TMEM232: variants seen among roughly 807,000 people sequenced by gnomAD.
The protein encoded by TMEM232 is transmembrane protein 232.
Under a neutral mutation model 78.8 loss-of-function variants are expected in TMEM232, and 80 were observed. The ratio of observed to expected loss-of-function variants is 1.01; its 90% CI spans 0.85 to 1.22. The LOEUF (loss-of-function observed/expected upper bound fraction) is 1.22, where lower values mean the gene tolerates loss of function less well. Among genes scored for constraint, TMEM232 ranks in the 50% most tolerant of loss-of-function variants. The pLI, the probability that TMEM232 is intolerant of heterozygous loss-of-function variation, is 0.00. For synonymous variants in TMEM232, 297 were observed against 254.3 expected (o/e 1.17, Z -1.60); for missense variants, 881 against 742.2 (o/e 1.19, Z -2.17).
chr5:110,609,409 C>G (rs1220901179), intron 8 of TMEM232, among the ~76,000 whole-genome samples: 3 of 152,052 alleles, frequency 2.0e-5, no homozygotes, highest in Non-Finnish European at 4.4e-5. Flanking sequence ...AAATAATAAT[C>G]TCTACTGTTT....
chr5:110,621,205 A>T (rs928632890), intron 7 of TMEM232, among the ~76,000 whole-genome samples: 4 of 152,082 alleles, frequency 2.6e-5, no homozygotes, highest in Admixed American at 6.5e-5. Context: ...CAAAAAATAA[A>T]AAATAAATTT....
intron 1 of TMEM232, among the ~76,000 whole-genome samples, chr5:110,675,657 T>C (rs981226086): frequency 6.6e-6 from 1 of 152,184 alleles, no homozygotes; most frequent in Non-Finnish European, 1.5e-5. Context: ...CAAATGTAAG[T>C]GACAAATAAG....
upstream of TMEM232, among the ~76,000 whole-genome samples, chr5:110,730,944 C>T (rs1167237920): frequency 6.6e-6 from 1 of 152,188 alleles, no homozygotes; most frequent in Non-Finnish European, 1.5e-5. Context: ...TGTCCACAGT[C>T]CAAAGTCTCA....
At chr5:110,409,739 T>C (rs1273428658) in intron 2 of TMEM232, among the ~76,000 whole-genome samples, 1 of 152,114 alleles carries the variant, frequency 6.6e-6, no homozygotes, top group African/African-American at 2.4e-5. Context: ...TAACTTTGGA[T>C]GATTTTGCCC....
At chr5:110,721,480 T>C (rs1483082694) in intron 1 of TMEM232, among the ~76,000 whole-genome samples, 1 of 151,322 alleles carries the variant, frequency 6.6e-6, no homozygotes, top group Non-Finnish European at 1.5e-5. Context: ...TTGCTAAATA[T>C]ATTCCTCAAT....
At chr5:110,651,333 T>C (rs1054298323) in intron 2 of TMEM232, among the ~76,000 whole-genome samples, 2 of 150,964 alleles carry the variant, frequency 1.3e-5, no homozygotes, top group Non-Finnish European at 2.9e-5. Context: ...TCAGGGAACA[T>C]CATGAGGGAG....
intron 12 of TMEM232, among the ~76,000 whole-genome samples, chr5:110,436,788 G>A (rs1456331494): frequency 6.6e-6 from 1 of 151,854 alleles, no homozygotes; most frequent in Non-Finnish European, 1.5e-5. Context: ...TTGTTTCTGG[G>A]CTCTCTACTC....
chr5:110,475,921 G>C (rs1763206728), intron 12 of TMEM232, among the ~76,000 whole-genome samples: 1 of 151,980 alleles, frequency 6.6e-6, no homozygotes, highest in Non-Finnish European at 1.5e-5. Flanking sequence ...ACATCAGGTA[G>C]AGTACTTAGA....
chr5:110,431,779 T>A (rs923374353), intron 12 of TMEM232, among the ~76,000 whole-genome samples: 2 of 151,566 alleles, frequency 1.3e-5, no homozygotes, highest in African/African-American at 4.8e-5. Context: ...AGATTAGACA[T>A]AGCAGAAAAG....
intron 2 of TMEM232, among the ~76,000 whole-genome samples, chr5:110,403,032 A>C (rs766521043): frequency 3.9e-5 from 6 of 152,118 alleles, no homozygotes; most frequent in Non-Finnish European, 7.4e-5. Flanking sequence ...AGAAACAAAA[A>C]GAAAAAGAAA....
At chr5:110,533,641 G>A (rs1245451998) in intron 11 of TMEM232, among the ~76,000 whole-genome samples, 1 of 152,056 alleles carries the variant, frequency 6.6e-6, no homozygotes, top group Admixed American at 6.6e-5. Flanking sequence ...CTCACTCTTT[G>A]TTAAGTCTCC....
At chr5:110,711,881 C>T (rs1169841592) in intron 1 of TMEM232, among the ~76,000 whole-genome samples, 1 of 151,858 alleles carries the variant, frequency 6.6e-6, no homozygotes, top group Non-Finnish European at 1.5e-5. Flanking sequence ...CCGAGGTGGG[C>T]AGATCACGAA....
intron 11 of TMEM232, among the ~76,000 whole-genome samples, chr5:110,563,887 C>T (rs1776036443): frequency 6.6e-6 from 1 of 151,690 alleles, no homozygotes; most frequent in Non-Finnish European, 1.5e-5. Context: ...TTGTCTTTTT[C>T]CAAGAAAAAA....
chr5:110,597,614 T>C (rs1469363683), intron 10 of TMEM232, among the ~76,000 whole-genome samples: 1 of 151,514 alleles, frequency 6.6e-6, no homozygotes, highest in South Asian at 2.1e-4. Context: ...CTTCAAACTA[T>C]ACTACAAGGC....
At chr5:110,430,562 C>T (rs1283460454) in intron 12 of TMEM232, among the ~76,000 whole-genome samples, 3 of 151,656 alleles carry the variant, frequency 2.0e-5, no homozygotes, top group Non-Finnish European at 4.4e-5. Context: ...CTTAACAATA[C>T]AGACAAATAA....
chr5:110,623,203 A>G (rs901762570), intron 7 of TMEM232, among the ~76,000 whole-genome samples: 1 of 152,094 alleles, frequency 6.6e-6, no homozygotes, highest in Non-Finnish European at 1.5e-5. Context: ...AGACGAAAGG[A>G]AATTTCCTAT....
At chr5:110,697,099 G>A (rs1286657092) in intron 1 of TMEM232, among the ~76,000 whole-genome samples, 1 of 152,060 alleles carries the variant, frequency 6.6e-6, no homozygotes, top group Non-Finnish European at 1.5e-5. Flanking sequence ...CCAAAACAGA[G>A]ATACAGACCA....
At chr5:110,679,810 T>C (rs1017579871) in intron 1 of TMEM232, among the ~76,000 whole-genome samples, 8 of 151,976 alleles carry the variant, frequency 5.3e-5, no homozygotes, top group South Asian at 2.1e-4. Context: ...TTGTGTAGAT[T>C]ATATTTACTC....
chr5:110,658,754 C>G (rs1446712152), intron 2 of TMEM232, among the ~76,000 whole-genome samples: 2 of 152,078 alleles, frequency 1.3e-5, no homozygotes, highest in African/African-American at 4.8e-5. Flanking sequence ...GCATAGGCAA[C>G]AATACCCAAA....
Sources: allele counts gnomAD v4.1 joint callset (sites outside exome capture counted in the v4.1 genomes callset), GRCh38; gene constraint gnomAD v4.1.1; transcripts MANE v1.5; gene names NCBI Gene and HGNC (gene_info 2026-07-23, HGNC 2026-07-21).